Variants in INTS7 observed in about 807,000 individuals in gnomAD.
The protein encoded by INTS7 is integrator complex subunit 7.
INTS7 carries 46 observed loss-of-function variants against 109.2 expected under a neutral mutation model. The observed-to-expected ratio is 0.42, with a 90% CI of 0.33 to 0.54. INTS7 has a LOEUF of 0.54. Among genes scored for constraint, INTS7 ranks in the 20% least tolerant of loss-of-function variants. INTS7 has a pLI of 0.07. For missense variants in INTS7, 929 were observed against 1,132.4 expected, an observed-to-expected ratio of 0.82 and a Z score of 2.58; for synonymous variants, 412 against 402.9, an observed-to-expected ratio of 1.02 and a Z score of -0.27.
chr1:211,949,176 G>A (rs1292737272), intron 17 of INTS7, among the ~76,000 whole-genome samples: 1 of 152,072 alleles, frequency 6.6e-6, no homozygotes, highest in Non-Finnish European at 1.5e-5. Context: ...CTTCTTTTGT[G>A]TGTTCCTTAA....
chr1:212,021,977 C>CA (rs1161037190), intron 1 of INTS7, among the ~76,000 whole-genome samples: 1 of 152,124 alleles, frequency 6.6e-6, no homozygotes, highest in Non-Finnish European at 1.5e-5. Context: ...CTTCAAGGAA[C>CA]ATTTATAACA....
At chr1:212,000,980 T>G (rs1448006141) in intron 7 of INTS7, among the ~76,000 whole-genome samples, 3 of 152,066 alleles carry the variant, frequency 2.0e-5, no homozygotes, top group Admixed American at 1.3e-4. Context: ...AAAACAAGTT[T>G]ACTCCTCCGA....
chr1:211,984,272 G>A (rs998449946), intron 8 of INTS7, among the ~76,000 whole-genome samples: 5 of 151,860 alleles, frequency 3.3e-5, no homozygotes, highest in Non-Finnish European at 7.4e-5. Context: ...ACAATGCGGA[G>A]TCATCTATAA....
In INTS7 at chr1:212,020,961, T is replaced by C. The variant is rs41275376; in HGVS notation, c.224+122A>G. On this transcript the variant is annotated intron_variant, in intron 2 of 19. Coordinates refer to ENST00000366994, the MANE Select transcript of INTS7 (RefSeq NM_015434.4). ...CACTGATGTGCTGCACACAGTCATG[T>C]GTGTCCACTAATGGTAACTAACCAG... The C allele has an allele frequency of 4.1e-3, 3,633 of 877,418 alleles. 10 individuals are homozygous for C. Among genetic ancestry groups the C allele is most frequent in the Middle Eastern group, 0.011 (34 of 3,194 alleles). 54.4% of individuals were successfully genotyped at this position (877,418 alleles called of 1,614,324 possible). A position where few individuals can be genotyped will look rare whatever the true frequency, so the allele number is the denominator to read the frequency against.
intron 11 of INTS7, among the ~76,000 whole-genome samples, chr1:211,977,801 C>A (rs929164460): frequency 1.3e-5 from 2 of 152,114 alleles, no homozygotes; most frequent in Non-Finnish European, 2.9e-5. Context: ...TAAACTGGAT[C>A]CTAAACAGCT....
intron 4 of INTS7, among the ~76,000 whole-genome samples, chr1:212,013,367 AAAGT>A (rs1182936372): frequency 1.3e-5 from 2 of 152,188 alleles, no homozygotes; most frequent in Non-Finnish European, 2.9e-5. Context: ...GGATATAAAG[AAAGT>A]ATGTTTATAC....
rs1473336820 is a variant in INTS7, at chr1:211,978,443, G to C, written c.1299C>G (p.Thr433=). The C allele has an allele frequency of 6.2e-7, 1 of 1,614,180 alleles. No individual in the cohort carries two copies. The highest frequency in any genetic ancestry group is 2.2e-5 in the East Asian group (1 of 44,876). The change falls in exon 11 of 20, where the codon ACC becomes ACG. Residue 433 remains threonine (T), a synonymous_variant. Coordinates refer to ENST00000366994, the MANE Select transcript of INTS7 (RefSeq NM_015434.4). ...RPHLSQSVVE[T]LLTQLHSAQD... ...GAGCACTGTGCAATTGAGTCAACAAGGTCTCAACTACTGACTGGCTAAGAT... is the reference window on the plus strand; with the variant it reads ...GAGCACTGTGCAATTGAGTCAACAACGTCTCAACTACTGACTGGCTAAGAT...
At chr1:211,996,332 G>A (rs1665386137) in intron 7 of INTS7, among the ~76,000 whole-genome samples, 2 of 152,084 alleles carry the variant, frequency 1.3e-5, no homozygotes, top group South Asian at 4.1e-4. Flanking sequence ...TGAGACAGGA[G>A]AATCGCTTGA....
At chr1:211,952,730 C>A in intron 16 of INTS7, 29 bp from the exon 17 acceptor site, 1 of 1,594,774 alleles carries the variant, frequency 6.3e-7, no homozygotes, top group Non-Finnish European at 8.6e-7. Flanking sequence ...TTCATTAATC[C>A]ATCAAAATAG....
chr1:211,999,022 A>G (rs1163785669), intron 7 of INTS7, among the ~76,000 whole-genome samples: 1 of 152,216 alleles, frequency 6.6e-6, no homozygotes, highest in Non-Finnish European at 1.5e-5. Context: ...AAACTCTTAT[A>G]TATGGCTGGT....
At chr1:211,985,829 T>G (rs1664869721) in intron 8 of INTS7, among the ~76,000 whole-genome samples, 2 of 152,182 alleles carry the variant, frequency 1.3e-5, no homozygotes, top group South Asian at 4.1e-4. Context: ...ATTATATGAT[T>G]AAGACTTTGT....
intron 16 of INTS7, among the ~76,000 whole-genome samples, chr1:211,961,797 G>A (rs1198377175): frequency 6.6e-6 from 1 of 152,120 alleles, no homozygotes; most frequent in Non-Finnish European, 1.5e-5. Flanking sequence ...CTTCATGAGT[G>A]ACAGAAAAAT....
At position 211,959,665 on chromosome 1, in the gene INTS7, A is replaced by T. The variant is rs530074668; in HGVS notation, c.2183+6765T>A. ...ATTACCCCCGCATTACCGCCATTGCATTTGGAGCTCCTGTGTCAACATTGC... is the reference window on the plus strand; with the variant it reads ...ATTACCCCCGCATTACCGCCATTGCTTTTGGAGCTCCTGTGTCAACATTGC... On this transcript the variant is annotated intron_variant, in intron 16 of 19. Transcript: ENST00000366994. The surrounding 1 kb of genome is among the most constrained non-coding windows in gnomAD (Gnocchi z 4.2). Among the ~76,000 whole-genome samples the T allele has an allele frequency of 6.6e-6, 1 of 152,066 alleles. No individual in the cohort carries two copies. The highest frequency in any genetic ancestry group is 2.4e-5 in the African/African-American group (1 of 41,452).
rs369176817 is a variant in INTS7, at chr1:211,963,423, C to G, written c.2183+3007G>C. Among the ~76,000 whole-genome samples, 8 of 152,174 alleles carry G rather than the reference C, an allele frequency of 5.3e-5. 1 individual carries two copies. The East Asian group carries it at 9.7e-4, about 18-fold the overall frequency. On this transcript the variant is annotated intron_variant, in intron 16 of 19. Transcript: ENST00000366994. The stretch of plus-strand genomic sequence containing the variant: ...ACTCTACCAGGTATACATAGAAGAG[C>G]TGGTACCAGTCCTACTGAAGCTTTT...
chr1:211,985,704 A>G (rs1028344084), intron 8 of INTS7, among the ~76,000 whole-genome samples: 2 of 152,240 alleles, frequency 1.3e-5, no homozygotes, highest in African/African-American at 4.8e-5. Context: ...ACACTTCACA[A>G]CTATGTGAAC....
intron 17 of INTS7, among the ~76,000 whole-genome samples, chr1:211,950,529 C>T (rs1010642073): frequency 2.0e-5 from 3 of 152,196 alleles, no homozygotes; most frequent in Admixed American, 6.5e-5. Flanking sequence ...ACCTTGGCCT[C>T]CCAAAGTGCT....
chr1:211,973,658 A>G lies in INTS7; in HGVS notation c.1815+1508T>C, dbSNP rs370237122. Among the ~76,000 whole-genome samples the G allele has an allele frequency of 3.3e-4, 51 of 152,336 alleles. 1 individual carries two copies. The highest frequency in any genetic ancestry group is 1.1e-3 in the African/African-American group (44 of 41,582). ...TGAACAGGTTAAAAAATAAAAATAA[A>G]AAAAGTCCTCAAAAAAACCCTGAGA... On this transcript the variant is annotated intron_variant, in intron 13 of 19. Coordinates refer to ENST00000366994, the MANE Select transcript of INTS7 (RefSeq NM_015434.4).
intron 1 of INTS7, among the ~76,000 whole-genome samples, chr1:212,025,922 G>A (rs953599052): frequency 5.9e-5 from 9 of 152,116 alleles, no homozygotes; most frequent in South Asian, 2.1e-4. Flanking sequence ...TTGGGAGGCC[G>A]AGGCTGGCAG....
intron 19 of INTS7, among the ~76,000 whole-genome samples, chr1:211,943,675 A>G (rs972656649): frequency 6.6e-6 from 1 of 152,220 alleles, no homozygotes; most frequent in African/African-American, 2.4e-5. Flanking sequence ...GCCATAGTTA[A>G]GAAAGTAGTA....
Sources: gnomAD v4.1 joint callset for allele counts (sites outside exome capture counted in the v4.1 genomes callset) on GRCh38, gnomAD v4.1.1 for gene constraint, Gnocchi (gnomAD v3.1) non-coding constraint, MANE v1.5 for transcripts, NCBI Gene and HGNC (gene_info 2026-07-23, HGNC 2026-07-21) for gene names.